SMC2: variants seen among roughly 807,000 people sequenced by gnomAD.
The protein encoded by SMC2 is structural maintenance of chromosomes protein 2.
Under a neutral mutation model 142.6 loss-of-function variants are expected in SMC2, and 41 were observed. The observed-to-expected ratio is 0.29, with a 90% CI of 0.22 to 0.37. The LOEUF is 0.37. Ranked by LOEUF, SMC2 falls within the 10% of genes least tolerant of loss-of-function variation. SMC2 has a pLI of 1.00. For missense variants in SMC2, 1,265 were observed against 1,373.7 expected, an observed-to-expected ratio of 0.92 and a Z score of 1.25; for synonymous variants, 463 against 457.5, an observed-to-expected ratio of 1.01 and a Z score of -0.15.
Position 104,130,394 on chromosome 9 carries a change from G to A in SMC2, c.2991+549G>A, listed in dbSNP as rs562193137. On this transcript the variant is annotated intron_variant, in intron 21 of 24. Transcript: ENST00000374793. ...GACCTATCACTAGAAAAACCCAGTG[G>A]GGGAAGCATTCCCTACTCTTAAGAT... Among the ~76,000 whole-genome samples the A allele has an allele frequency of 2.0e-5, 3 of 152,134 alleles. No individual in the cohort carries two copies. The South Asian group carries it at 6.2e-4, about 32-fold the overall frequency.
chr9:104,089,127 T>C, the SMC2 span, among the ~76,000 whole-genome samples: 1 of 152,194 alleles, frequency 6.6e-6, no homozygotes, highest in African/African-American at 2.4e-5. Context: ...CAAAGGTTTA[T>C]ATAGAGGGAA....
chr9:104,118,477 A>G (rs1181744955), intron 15 of SMC2, 102 bp downstream of exon 15: 3 of 945,150 alleles, frequency 3.2e-6, no homozygotes, highest in Non-Finnish European at 4.8e-6. Context: ...TTCAGGAAAC[A>G]TGTTAACTTC....
chr9:104,111,968 C>T (rs190684872), intron 10 of SMC2, among the ~76,000 whole-genome samples, 154 bp downstream of exon 10: 3 of 152,190 alleles, frequency 2.0e-5, no homozygotes, highest in East Asian at 3.9e-4. Flanking sequence ...CCTAATGCAG[C>T]GAAATTCAAA....
upstream of SMC2, among the ~76,000 whole-genome samples, chr9:104,091,751 T>G (rs1829983464): frequency 6.6e-6 from 1 of 152,128 alleles, no homozygotes; most frequent in Admixed American, 6.5e-5. Context: ...CACTCTAAAA[T>G]TAGAAAAGTA....
rs571908220 is a variant in SMC2 at position 104,113,494 on chromosome 9, G to A, written c.1414+19G>A. ...TATGAAGGTTTGCCTTTAAAAACAT[G>A]ATAATCAGATCATGAGGAGGTAGTG... On this transcript the variant is annotated intron_variant, in intron 11 of 24. Coordinates refer to ENST00000374793, the MANE Select transcript of SMC2 (RefSeq NM_006444.3). 2.4e-5 allele frequency: 37 copies of A among 1,574,294 alleles called. No homozygotes were observed. In the African/African-American group the frequency reaches 4.5e-4, roughly 19 times the overall value.
chr9:104,095,674 A>G (rs997428072), intron 2 of SMC2, 122 bp downstream of exon 2: 1 of 701,946 alleles, frequency 1.4e-6, no homozygotes, highest in African/African-American at 1.8e-5. Context: ...ATTACACCTC[A>G]CTGCAACCTT....
chr9:104,138,656 A>G (rs564829766), intron 24 of SMC2, among the ~76,000 whole-genome samples: 3 of 152,308 alleles, frequency 2.0e-5, no homozygotes, highest in South Asian at 4.1e-4. Flanking sequence ...ATATGCTTGC[A>G]TAAATTATGC....
chr9:104,141,074 A>G lies in SMC2; in HGVS notation c.*1759A>G, dbSNP rs1564128873. 2 of 152,192 alleles carry G rather than the reference A, an allele frequency of 1.3e-5. No homozygotes were observed. The highest frequency in any genetic ancestry group is 2.9e-5 in the Non-Finnish European group (2 of 68,026). The allele number at this position is 152,192 out of a possible 1,614,324, so 9.4% of individuals were successfully genotyped here. A position where few individuals can be genotyped will look rare whatever the true frequency, so the allele number is the denominator to read the frequency against. The stretch of plus-strand genomic sequence containing the variant: ...AACTTTTTTTCATTAGAGGGAAGAC[A>G]TTAAGGGGATTGGGGACATTTGTTT... On this transcript the variant is annotated 3_prime_UTR_variant, in exon 25 of 25. Transcript: ENST00000374793.
At chr9:104,098,384 A>C (rs991077605) in intron 3 of SMC2, 62 bp from the exon 4 acceptor site, 2 of 1,354,240 alleles carry the variant, frequency 1.5e-6, no homozygotes, top group Non-Finnish European at 2.0e-6. Flanking sequence ...TAATATACTT[A>C]GTTTATCCTA....
At chr9:104,129,534 T>TTTTTCC in intron 20 of SMC2, 111 bp from the exon 21 acceptor site, 1 of 898,770 alleles carries the variant, frequency 1.1e-6, no homozygotes, top group Non-Finnish European at 1.7e-6. Flanking sequence ...CATTGAAGGT[T>TTTTTCC]TTTTCCTCTT....
chr9:104,102,388 T>C (rs1240232597), intron 8 of SMC2, 36 bp from the exon 9 acceptor site: 7 of 1,562,064 alleles, frequency 4.5e-6, no homozygotes, highest in Non-Finnish European at 6.1e-6. Flanking sequence ...GAACAAATTT[T>C]ACATAAGTGA....
Position 104,113,605 on chromosome 9 carries a change from G to GTGTT in SMC2, c.1414+131_1414+134dup, listed in dbSNP as rs1832739578. The GTGTT allele has an allele frequency of 5.8e-6, 4 of 695,212 alleles. No individual in the cohort carries two copies. The East Asian group carries it at 9.3e-5, about 16-fold the overall frequency. The allele number at this position is 695,212 out of a possible 1,614,324, so 43.1% of individuals were successfully genotyped here. A position where few individuals can be genotyped will look rare whatever the true frequency, so the allele number is the denominator to read the frequency against. On this transcript the variant is annotated intron_variant, in intron 11 of 24. Coordinates refer to ENST00000374793, the MANE Select transcript of SMC2 (RefSeq NM_006444.3). The stretch of plus-strand genomic sequence containing the variant: ...CTATTAACAAGCATTAGTATAAGAA[G>GTGTT]TGTTGTAAATATCGTCAAAAAATAC...
At position 104,101,985 on chromosome 9, in the gene SMC2, A is replaced by G; in HGVS notation, c.662A>G (p.Gln221Arg). 6.2e-7 allele frequency: 1 copy of G among 1,603,930 alleles called. No individual in the cohort carries two copies. The highest frequency in any genetic ancestry group is 8.5e-7 in the Non-Finnish European group (1 of 1,175,746). Residue 221 changes from glutamine to arginine, a missense_variant, in exon 8 of 25, where the codon CAA becomes CGA. Transcript: ENST00000374793. ...KEERSSYLEYQKVMREIEHLS... is the reference protein window; with the variant it reads ...KEERSSYLEYRKVMREIEHLS... ...GAAAGATCGTCCTACTTGGAGTACC[A>G]AAAAGTAATGAGAGAAATAGAACAT...
intron 9 of SMC2, among the ~76,000 whole-genome samples, chr9:104,102,957 A>G (rs1216227365): frequency 6.6e-6 from 1 of 152,154 alleles, no homozygotes; most frequent in African/African-American, 2.4e-5. Context: ...CAGTATGAAT[A>G]TAATAGGCTT....
intron 10 of SMC2, among the ~76,000 whole-genome samples, chr9:104,112,425 G>GAAAA (rs1292905204): frequency 1.3e-5 from 2 of 152,258 alleles, no homozygotes; most frequent in South Asian, 4.1e-4. Flanking sequence ...TTTGCTAGCA[G>GAAAA]AAAAAATACA....
At position 104,127,448 on chromosome 9, in the gene SMC2, C is replaced by A; in HGVS notation, c.2758C>A (p.His920Asn). ...IKELDHNISKHKREAEDGAAK... is the reference protein window; with the variant it reads ...IKELDHNISKNKREAEDGAAK... ...GGAATTAGACCACAACATCAGCAAACATAAACGGGAGGCTGAAGATGGTGC... is the reference window on the plus strand; with the variant it reads ...GGAATTAGACCACAACATCAGCAAAAATAAACGGGAGGCTGAAGATGGTGC... The change falls in exon 20 of 25, where the codon CAT (histidine) becomes AAT (asparagine). Residue 920 changes from histidine to asparagine, a missense_variant. His to Asn is a moderately conservative substitution (Grantham distance 68, BLOSUM62 1). This residue lies in a region of SMC2 where 898 missense variants were observed against 904.2 expected (regional missense o/e 0.99). Transcript: ENST00000374793. 6.2e-7 allele frequency: 1 copy of A among 1,611,408 alleles called. No homozygotes were observed. Among genetic ancestry groups the A allele is most frequent in the Non-Finnish European group, 8.5e-7 (1 of 1,178,642 alleles).
rs757022801 is a variant in SMC2 at position 104,102,455 on chromosome 9, A to T, written c.902A>T (p.Asp301Val). 5.6e-6 allele frequency: 9 copies of T among 1,610,642 alleles called. No individual in the cohort carries two copies. Among genetic ancestry groups the T allele is most frequent in the African/African-American group, 1.3e-5 (1 of 74,744 alleles). The change falls in exon 9 of 25, where the codon GAT becomes GTT. Residue 301 changes from aspartate to valine, a missense_variant. Coordinates refer to ENST00000374793, the MANE Select transcript of SMC2 (RefSeq NM_006444.3). ...GGAGGTATACTTCGATCTTTAGAAGATGCTCTTGCAGAGGCTCAGCGAGTT... is the reference window on the plus strand; with the variant it reads ...GGAGGTATACTTCGATCTTTAGAAGTTGCTCTTGCAGAGGCTCAGCGAGTT... ...ETGGILRSLE[D>V]ALAEAQRVNT...
chr9:104,119,801 G>A (rs1462236062), intron 15 of SMC2, among the ~76,000 whole-genome samples: 3 of 152,156 alleles, frequency 2.0e-5, no homozygotes, highest in Non-Finnish European at 2.9e-5. Flanking sequence ...CAGTAGACAA[G>A]GCAGTGGTTA....
chr9:104,090,948 T>G (rs547210421), upstream of SMC2, among the ~76,000 whole-genome samples: 5 of 152,160 alleles, frequency 3.3e-5, no homozygotes, highest in South Asian at 8.3e-4. Context: ...AAACAGAACA[T>G]GTATTTTAGA....
Sources: gnomAD v4.1 joint callset for allele counts (sites outside exome capture counted in the v4.1 genomes callset) on GRCh38, gnomAD v4.1.1 for gene constraint, gnomAD v4.1.1 regional missense constraint, MANE v1.5 for transcripts, NCBI Gene and HGNC (gene_info 2026-07-23, HGNC 2026-07-21) for gene names.